ABLIM1: variants seen among roughly 807,000 people sequenced by gnomAD.
ABLIM1 encodes actin-binding LIM protein 1.
Under a neutral mutation model 107.0 loss-of-function variants are expected in ABLIM1, and 40 were observed. That is an observed-to-expected ratio of 0.37 (90% CI 0.29 to 0.49). The LOEUF (loss-of-function observed/expected upper bound fraction) is 0.49, where lower values mean the gene tolerates loss of function less well. Ranked by LOEUF, ABLIM1 falls within the 20% of genes least tolerant of loss-of-function variation. The pLI is 0.97. For missense variants in ABLIM1, 857 were observed against 1,008.5 expected (o/e 0.85, Z 2.04); for synonymous variants, 357 against 357.3 (o/e 1.00, Z 0.01).
chr10:114,500,781 G>GGGAAA (rs2060323156), intron 6 of ABLIM1, among the ~76,000 whole-genome samples: 3 of 145,280 alleles, frequency 2.1e-5, no homozygotes, highest in African/African-American at 5.5e-5. Flanking sequence ...GGGAAGGGAA[G>GGGAAA]GGAAGGGAAG....
intron 1 of ABLIM1, chr10:114,613,624 G>C (rs2076954034): frequency 7.9e-7 from 1 of 1,267,900 alleles, no homozygotes. Context: ...TCTTGCTCTT[G>C]CACTGTGAAT....
At chr10:114,771,378 T>C (rs994355215), upstream of ABLIM1, among the ~76,000 whole-genome samples, 2 of 152,254 alleles carry the variant, frequency 1.3e-5, no homozygotes, top group Non-Finnish European at 2.9e-5. Flanking sequence ...CCTGCCTGAC[T>C]GGCAGGTTGC....
chr10:114,786,723 C>T, the ABLIM1 span, among the ~76,000 whole-genome samples: 1 of 152,250 alleles, frequency 6.6e-6, no homozygotes, highest in Admixed American at 6.5e-5. Context: ...TCTCCAGCTC[C>T]TAACCGCGAG....
chr10:114,748,563 C>G (rs12241105), intron 1 of ABLIM1, among the ~76,000 whole-genome samples: 2 of 141,602 alleles, frequency 1.4e-5, no homozygotes, highest in Non-Finnish European at 3.1e-5. Context: ...CATTTCTCCC[C>G]TCCATTTTGC....
chr10:114,724,994 A>T (rs1268786650), intron 1 of ABLIM1, among the ~76,000 whole-genome samples: 1 of 152,142 alleles, frequency 6.6e-6, no homozygotes, highest in Non-Finnish European at 1.5e-5. Context: ...AAGTAAAATG[A>T]TGTTTCTCTT....
chr10:114,612,230 A>G (rs1031609545), intron 1 of ABLIM1, among the ~76,000 whole-genome samples: 1 of 152,214 alleles, frequency 6.6e-6, no homozygotes, highest in African/African-American at 2.4e-5. Context: ...ATGCCATCAC[A>G]GCAGGAGTGA....
At chr10:114,786,963 G>A in the ABLIM1 span, among the ~76,000 whole-genome samples, 1 of 151,000 alleles carries the variant, frequency 6.6e-6, no homozygotes, top group Non-Finnish European at 1.5e-5. Flanking sequence ...CCCATCGTCT[G>A]GGATGTGAGG....
chr10:114,714,416 G>T (rs909052871), intron 1 of ABLIM1, among the ~76,000 whole-genome samples: 2 of 152,172 alleles, frequency 1.3e-5, no homozygotes, highest in Non-Finnish European at 2.9e-5. Context: ...CATTTAAAAA[G>T]AGGCTGTCAA....
chr10:114,522,702 T>C (rs1318469869), intron 6 of ABLIM1, among the ~76,000 whole-genome samples: 2 of 152,248 alleles, frequency 1.3e-5, no homozygotes, highest in Non-Finnish European at 2.9e-5. Flanking sequence ...AACACGTATT[T>C]GCTAAAAACA....
chr10:114,738,454 T>C (rs1023036109), intron 1 of ABLIM1, among the ~76,000 whole-genome samples: 1 of 152,190 alleles, frequency 6.6e-6, no homozygotes, highest in Admixed American at 6.5e-5. Flanking sequence ...CTAAGCCAAG[T>C]AGGACATTCA....
intron 16 of ABLIM1, 23 bp from the exon 17 acceptor site, chr10:114,444,157 A>G: frequency 6.6e-7 from 1 of 1,513,028 alleles, no homozygotes; most frequent in Non-Finnish European, 8.9e-7. Flanking sequence ...AAAAGGAAAA[A>G]AAAAAAAAAA....
the ABLIM1 span, among the ~76,000 whole-genome samples, chr10:114,781,576 ATG>A: frequency 9.3e-5 from 14 of 149,818 alleles, no homozygotes; most frequent in South Asian, 2.1e-4. Flanking sequence ...GTGTATGTAT[ATG>A]TGTGTGTGAA....
chr10:114,450,878 T>A (rs558680397), intron 14 of ABLIM1, among the ~76,000 whole-genome samples: 3 of 152,290 alleles, frequency 2.0e-5, no homozygotes, highest in African/African-American at 4.8e-5. Flanking sequence ...TCACAAAGAT[T>A]TATGGTCGAT....
At chr10:114,578,616 G>A (rs2072940308) in intron 2 of ABLIM1, among the ~76,000 whole-genome samples, 1 of 151,672 alleles carries the variant, frequency 6.6e-6, no homozygotes. Context: ...ATGTTGGTGA[G>A]GCTGGTGTTG....
intron 4 of ABLIM1, among the ~76,000 whole-genome samples, chr10:114,554,276 C>G (rs2497727): frequency 6.6e-6 from 1 of 151,624 alleles, no homozygotes; most frequent in Non-Finnish European, 1.5e-5. Flanking sequence ...GCCTCATTGC[C>G]GGTCTCCAAT....
At chr10:114,510,330 C>T (rs1182115290) in intron 6 of ABLIM1, among the ~76,000 whole-genome samples, 1 of 152,128 alleles carries the variant, frequency 6.6e-6, no homozygotes, top group Non-Finnish European at 1.5e-5. Flanking sequence ...TTCTCCAGCT[C>T]CCCTGGACTT....
At chr10:114,492,587 A>G (rs956117620) in intron 6 of ABLIM1, among the ~76,000 whole-genome samples, 4 of 152,346 alleles carry the variant, frequency 2.6e-5, no homozygotes, top group East Asian at 1.9e-4. Flanking sequence ...AATTTTCTAG[A>G]CAGGTGCCAA....
intron 4 of ABLIM1, among the ~76,000 whole-genome samples, chr10:114,567,489 G>A (rs906388740): frequency 6.6e-6 from 1 of 152,162 alleles, no homozygotes; most frequent in African/African-American, 2.4e-5. Context: ...GCTTGATGAG[G>A]GAAATAAAAC....
intron 6 of ABLIM1, among the ~76,000 whole-genome samples, chr10:114,540,284 C>CT (rs1237693493): frequency 6.6e-6 from 1 of 152,184 alleles, no homozygotes; most frequent in East Asian, 1.9e-4. Flanking sequence ...TCCGGGAGGT[C>CT]TAGCAGCCCA....
Sources: allele counts gnomAD v4.1 joint callset (sites outside exome capture counted in the v4.1 genomes callset), GRCh38; gene constraint gnomAD v4.1.1; transcripts MANE v1.5; gene names NCBI Gene and HGNC (gene_info 2026-07-23, HGNC 2026-07-21).